Variants in FRMPD1 observed in about 807,000 individuals in gnomAD.
FRMPD1 encodes FERM and PDZ domain containing 1.
A neutral mutation model predicts 117.8 loss-of-function variants in FRMPD1; 76 were observed. The observed-to-expected ratio is 0.65, with a 90% CI of 0.54 to 0.78. FRMPD1 has a LOEUF of 0.78. Among genes scored for constraint, FRMPD1 ranks in the 30% least tolerant of loss-of-function variants. The pLI is 0.00. For synonymous variants in FRMPD1, 783 were observed against 770.4 expected, an observed-to-expected ratio of 1.02 and a Z score of -0.27; for missense variants, 1,786 against 1,964.5, an observed-to-expected ratio of 0.91 and a Z score of 1.72.
the FRMPD1 span, among the ~76,000 whole-genome samples, chr9:37,617,085 G>A: frequency 6.6e-6 from 1 of 152,260 alleles, no homozygotes; most frequent in African/African-American, 2.4e-5. Flanking sequence ...GCCTAGGTAT[G>A]TGATTTTGCT....
chr9:37,604,864 A>T, the FRMPD1 span, among the ~76,000 whole-genome samples: 1 of 152,228 alleles, frequency 6.6e-6, no homozygotes. Context: ...ACCCCAAAAC[A>T]GTAATAGTTA....
At position 37,740,072 on chromosome 9, in the gene FRMPD1, T is replaced by TTGCAC. The variant is rs780194872; in HGVS notation, c.1550-2_1550-1insCTGCA. On this transcript the variant is annotated splice_polypyrimidine_tract_variant and splice_region_variant and intron_variant, in intron 14 of 15. Transcript: ENST00000377765. This position sits in a 1 kb window ranked among gnomAD's most constrained non-coding sequence, Gnocchi z 4.2. ...TGTGTAACTGTTGCTGTACCCTGTG[T>TTGCAC]TGCAGGCTATGAATCCAGGGCCTGC... 6.3e-7 allele frequency: 1 copy of TTGCAC among 1,578,510 alleles called. No individual in the cohort carries two copies.
At chr9:37,702,370 GAATA>G (rs1822563949) in intron 2 of FRMPD1, among the ~76,000 whole-genome samples, 1 of 152,186 alleles carries the variant, frequency 6.6e-6, no homozygotes, top group Admixed American at 6.5e-5. Flanking sequence ...TGTTTCCAAG[GAATA>G]AATAGTCTGT....
chr9:37,645,625 A>C, the FRMPD1 span, among the ~76,000 whole-genome samples: 1 of 152,172 alleles, frequency 6.6e-6, no homozygotes. Context: ...CAGATAATGA[A>C]CTTTCTAGCT....
chr9:37,663,698 G>A (rs553111758), intron 1 of FRMPD1, among the ~76,000 whole-genome samples: 2 of 152,264 alleles, frequency 1.3e-5, no homozygotes, highest in East Asian at 1.9e-4. Context: ...GTATCCCATA[G>A]GGGATTGGTT....
the FRMPD1 span, among the ~76,000 whole-genome samples, chr9:37,624,895 T>G: frequency 2.8e-4 from 42 of 152,360 alleles, no homozygotes; most frequent in African/African-American, 9.6e-4. Context: ...CTTTCTCTTA[T>G]AATCCAGGCA....
intron 5 of FRMPD1, among the ~76,000 whole-genome samples, chr9:37,714,576 GTTTA>G (rs1339687489): frequency 3.5e-5 from 5 of 144,642 alleles, no homozygotes; most frequent in South Asian, 2.3e-4. Flanking sequence ...CTCCGAAGAA[GTTTA>G]TTTTATTTTA....
At chr9:37,683,421 G>T (rs1821799154) in intron 1 of FRMPD1, among the ~76,000 whole-genome samples, 1 of 152,192 alleles carries the variant, frequency 6.6e-6, no homozygotes, top group African/African-American at 2.4e-5. Context: ...TGACTGATAG[G>T]CTGGGCAGGG....
upstream of FRMPD1, among the ~76,000 whole-genome samples, chr9:37,649,257 A>T (rs190862975): frequency 4.2e-3 from 637 of 152,348 alleles, 1 homozygote; most frequent in Non-Finnish European, 6.5e-3. Flanking sequence ...ATTAAACTTT[A>T]TTTTGAGAAA....
chr9:37,681,254 A>G (rs1271625915), intron 1 of FRMPD1, among the ~76,000 whole-genome samples: 3 of 151,930 alleles, frequency 2.0e-5, no homozygotes, highest in Non-Finnish European at 4.4e-5. Context: ...AAAAAAGAAA[A>G]TAAACAATTG....
chr9:37,605,218 A>G, the FRMPD1 span, among the ~76,000 whole-genome samples: 6 of 152,228 alleles, frequency 3.9e-5, no homozygotes, highest in Admixed American at 3.9e-4. Context: ...AATGGAACCC[A>G]GCAGACTCAG....
At chr9:37,687,891 T>C (rs2100177946) in intron 1 of FRMPD1, among the ~76,000 whole-genome samples, 1 of 152,188 alleles carries the variant, frequency 6.6e-6, no homozygotes, top group Non-Finnish European at 1.5e-5. Context: ...TGGAAAGATA[T>C]ACAGGATACA....
At chr9:37,683,503 T>C (rs1821802924) in intron 1 of FRMPD1, among the ~76,000 whole-genome samples, 1 of 151,926 alleles carries the variant, frequency 6.6e-6, no homozygotes, top group African/African-American at 2.4e-5. Context: ...TCCAGTACAC[T>C]ACTGTGCCTG....
At chr9:37,700,164 A>G (rs1041192713) in intron 2 of FRMPD1, among the ~76,000 whole-genome samples, 1 of 152,212 alleles carries the variant, frequency 6.6e-6, no homozygotes, top group Non-Finnish European at 1.5e-5. Flanking sequence ...ATTTGAGGGT[A>G]GTCTGGAAGG....
the FRMPD1 span, among the ~76,000 whole-genome samples, chr9:37,604,595 A>G: frequency 6.6e-6 from 1 of 152,214 alleles, no homozygotes; most frequent in Non-Finnish European, 1.5e-5. Flanking sequence ...TTTCCTTCTT[A>G]GAAAAATAGT....
chr9:37,708,372 A>C, intron 3 of FRMPD1, 27 bp from the exon 4 acceptor site: 1 of 1,400,600 alleles, frequency 7.1e-7, no homozygotes, highest in Non-Finnish European at 1.0e-6. Context: ...CGGCATGAGC[A>C]CCAATTACTT....
intron 1 of FRMPD1, among the ~76,000 whole-genome samples, chr9:37,670,900 A>G (rs1290199177): frequency 6.6e-6 from 1 of 152,260 alleles, no homozygotes; most frequent in East Asian, 1.9e-4. Context: ...GGATTTTGAA[A>G]TAAGCATCCA....
upstream of FRMPD1, among the ~76,000 whole-genome samples, chr9:37,646,511 T>G (rs1256727303): frequency 2.6e-5 from 4 of 152,234 alleles, no homozygotes; most frequent in African/African-American, 9.6e-5. Context: ...GTTCTTTCTT[T>G]CACCCATACT....
At position 37,745,144 on chromosome 9, in the gene FRMPD1, C is replaced by T; in HGVS notation, c.3112C>T (p.Gln1038Ter). The T allele has an allele frequency of 6.2e-7, 1 of 1,614,018 alleles. No individual in the cohort carries two copies. The highest frequency in any genetic ancestry group is 8.5e-7 in the Non-Finnish European group (1 of 1,179,952). ...ASNPGLNNVSQGDTLELQLEP... is the reference protein window; with the variant it reads ...ASNPGLNNVS ...CAACCCAGGACTAAATAATGTCTCT[C>T]AAGGAGACACACTAGAGCTCCAGTT... is the stretch of plus-strand genomic sequence containing the variant. Residue 1038 changes from glutamine (Q) to a stop codon, truncating the protein, a stop_gained, in exon 16 of 16, where the codon CAA (glutamine) becomes TAA (stop). Transcript: ENST00000377765. LOFTEE classifies it low-confidence loss of function (END_TRUNC).
Sources: allele counts gnomAD v4.1 joint callset (sites outside exome capture counted in the v4.1 genomes callset), GRCh38; gene constraint gnomAD v4.1.1; non-coding constraint Gnocchi (gnomAD v3.1); transcripts MANE v1.5; gene names NCBI Gene and HGNC (gene_info 2026-07-23, HGNC 2026-07-21).